RAD54B: variants seen among roughly 807,000 people sequenced by gnomAD.
The protein encoded by RAD54B is DNA repair and recombination protein RAD54B.
Under a neutral mutation model 95.8 loss-of-function variants are expected in RAD54B, and 78 were observed. The ratio of observed to expected loss-of-function variants is 0.81; its 90% CI spans 0.68 to 0.98. The LOEUF is 0.98. Ranked by LOEUF, RAD54B falls within the 50% of genes least tolerant of loss-of-function variation. RAD54B has a pLI of 0.00. For synonymous variants in RAD54B, 328 were observed against 354.9 expected, an observed-to-expected ratio of 0.92 and a Z score of 0.85; for missense variants, 957 against 1,056.6, an observed-to-expected ratio of 0.91 and a Z score of 1.31.
intron 3 of RAD54B, among the ~76,000 whole-genome samples, chr8:94,421,998 A>G (rs1811817138): frequency 6.6e-6 from 1 of 152,228 alleles, no homozygotes; most frequent in Non-Finnish European, 1.5e-5. Context: ...ATTTCCAGCT[A>G]TAGACTTTTA....
intron 3 of RAD54B, chr8:94,430,254 T>C: frequency 3.3e-5 from 27 of 827,292 alleles, no homozygotes; most frequent in Non-Finnish European, 3.9e-5. Context: ...GAGATTGCAG[T>C]GAGCCAACAT....
intron 4 of RAD54B, among the ~76,000 whole-genome samples, chr8:94,409,702 A>G (rs1369144341): frequency 6.6e-6 from 1 of 152,164 alleles, no homozygotes; most frequent in Non-Finnish European, 1.5e-5. Flanking sequence ...TGGTCAGGGT[A>G]AAAACCCACT....
At chr8:94,422,752 T>TTATA (rs369490267) in intron 3 of RAD54B, among the ~76,000 whole-genome samples, 4,553 of 125,340 alleles carry the variant, frequency 0.036, 264 homozygotes, top group African/African-American at 0.12. Flanking sequence ...CCACAAAAAA[T>TTATA]TATATATATA....
intron 3 of RAD54B, among the ~76,000 whole-genome samples, chr8:94,447,828 A>G (rs1292647432): frequency 6.6e-6 from 1 of 152,178 alleles, no homozygotes; most frequent in Non-Finnish European, 1.5e-5. Context: ...CTAAGAATGC[A>G]ACCCATCCTG....
chr8:94,391,496 CT>C (rs1448616426), intron 10 of RAD54B, 112 bp downstream of exon 10: 59 of 1,134,086 alleles, frequency 5.2e-5, no homozygotes, highest in Middle Eastern at 2.4e-4. Context: ...GCCAGCAGAG[CT>C]TTTTGAAAAC....
chr8:94,436,870 G>T (rs767625228), intron 3 of RAD54B: 1 of 1,507,876 alleles, frequency 6.6e-7, no homozygotes, highest in South Asian at 1.3e-5. Flanking sequence ...TCCTACCATT[G>T]TTCTTTTCAA....
chr8:94,464,971 C>T (rs1360551232), intron 2 of RAD54B, among the ~76,000 whole-genome samples: 1 of 152,072 alleles, frequency 6.6e-6, no homozygotes, highest in Non-Finnish European at 1.5e-5. Context: ...AGCGAAAACT[C>T]ACTCATTACC....
At chr8:94,422,627 T>A (rs866752433) in intron 3 of RAD54B, among the ~76,000 whole-genome samples, 88 of 88,456 alleles carry the variant, frequency 9.9e-4, no homozygotes, top group Middle Eastern at 5.5e-3. Context: ...AATATATATA[T>A]ATATATATAT....
Position 94,382,731 on chromosome 8 carries a change from C to T in RAD54B, c.1986-2325G>A, listed in dbSNP as rs1353354506. The stretch of plus-strand genomic sequence containing the variant: ...AATCACGGGGGCGGTTTCCTGCATG[C>T]TGTTCTCGTGATAGGGAGTGAGTTC... On this transcript the variant is annotated intron_variant, in intron 11 of 14. Transcript: ENST00000336148. Among the ~76,000 whole-genome samples the T allele has an allele frequency of 2.0e-5, 3 of 152,144 alleles. No individual in the cohort carries two copies. In the East Asian group the frequency reaches 5.8e-4, roughly 29 times the overall value.
intron 3 of RAD54B, among the ~76,000 whole-genome samples, chr8:94,452,434 T>C (rs1449373253): frequency 6.6e-6 from 1 of 152,236 alleles, no homozygotes; most frequent in Non-Finnish European, 1.5e-5. Flanking sequence ...ACTGAAACAT[T>C]ACACATATAC....
At chr8:94,424,889 CTG>C (rs772893602) in intron 3 of RAD54B, among the ~76,000 whole-genome samples, 58 of 152,026 alleles carry the variant, frequency 3.8e-4, no homozygotes, top group Non-Finnish European at 6.6e-4. Flanking sequence ...CGGCAAAACT[CTG>C]TCTCTATAAA....
chr8:94,454,376 C>T (rs1329895985), intron 3 of RAD54B, among the ~76,000 whole-genome samples: 1 of 151,970 alleles, frequency 6.6e-6, no homozygotes, highest in Non-Finnish European at 1.5e-5. Context: ...TGTAAATATG[C>T]TAAATGCCAC....
At chr8:94,421,133 A>G (rs1374342185) in intron 3 of RAD54B, among the ~76,000 whole-genome samples, 3 of 152,098 alleles carry the variant, frequency 2.0e-5, no homozygotes, top group Admixed American at 6.5e-5. Context: ...TATGGCTTCC[A>G]GTAGTCATTC....
intron 3 of RAD54B, among the ~76,000 whole-genome samples, chr8:94,453,277 C>T (rs537676092): frequency 4.6e-5 from 7 of 152,252 alleles, no homozygotes; most frequent in African/African-American, 1.7e-4. Context: ...GTCTGTAATC[C>T]TAGCATTTTG....
chr8:94,390,864 T>C (rs1313349952), intron 10 of RAD54B, among the ~76,000 whole-genome samples: 1 of 152,062 alleles, frequency 6.6e-6, no homozygotes, highest in Non-Finnish European at 1.5e-5. Context: ...CATTTATATT[T>C]CATATATACC....
At chr8:94,415,433 T>C (rs1359265157) in intron 3 of RAD54B, among the ~76,000 whole-genome samples, 2 of 151,014 alleles carry the variant, frequency 1.3e-5, no homozygotes, top group Non-Finnish European at 2.9e-5. Context: ...AACCTAGGCA[T>C]TACCATTCAG....
chr8:94,391,379 C>G (rs967339127), intron 10 of RAD54B, among the ~76,000 whole-genome samples: 2 of 150,604 alleles, frequency 1.3e-5, no homozygotes, highest in Admixed American at 1.3e-4. Flanking sequence ...CTATAGAAGG[C>G]AGTACCTCAA....
chr8:94,452,604 T>C (rs1241075197), intron 3 of RAD54B, among the ~76,000 whole-genome samples: 1 of 152,146 alleles, frequency 6.6e-6, no homozygotes, highest in Non-Finnish European at 1.5e-5. Flanking sequence ...TTCACACCAT[T>C]ATCCTGCCTC....
chr8:94,400,563 A>C, intron 6 of RAD54B, 100 bp from the exon 7 acceptor site: 1 of 963,700 alleles, frequency 1.0e-6, no homozygotes, highest in Non-Finnish European at 1.5e-6. Context: ...AATGACACTG[A>C]AGACTTTTAG....
Sources: allele counts gnomAD v4.1 joint callset (sites outside exome capture counted in the v4.1 genomes callset), GRCh38; gene constraint gnomAD v4.1.1; transcripts MANE v1.5; gene names NCBI Gene and HGNC (gene_info 2026-07-23, HGNC 2026-07-21).